ZNF254: variants seen among roughly 807,000 people sequenced by gnomAD.
ZNF254 encodes the protein zinc finger protein 254, also known as CTD-2017D11.1.
ZNF254 carries 10 observed loss-of-function variants against 12.4 expected under a neutral mutation model. The observed-to-expected ratio is 0.80, with a 90% confidence interval of 0.50 to 1.36. The LOEUF is 1.36. ZNF254 is among the 40% of genes most tolerant of loss of function. ZNF254 has a pLI of 0.00. For synonymous variants in ZNF254, 305 were observed against 253.4 expected (o/e 1.20, Z -1.93); for missense variants, 996 against 763.9 (o/e 1.30, Z -3.58).
chr19:24,099,055 G>C (rs1972846463), intron 1 of ZNF254: 1 of 134,090 alleles, frequency 7.5e-6, no homozygotes, highest in South Asian at 2.4e-4. Flanking sequence ...GGAGTGCAGT[G>C]ACACGATCTC....
intron 3 of ZNF254, among the ~76,000 whole-genome samples, chr19:24,111,477 A>T (rs1373817353): frequency 9.1e-4 from 138 of 152,250 alleles, no homozygotes; most frequent in Middle Eastern, 3.4e-3. Context: ...CAGTAATGGG[A>T]TGGCTGGGTC....
At chr19:24,121,848 C>G (rs1310962305) in intron 3 of ZNF254, among the ~76,000 whole-genome samples, 1 of 152,084 alleles carries the variant, frequency 6.6e-6, no homozygotes, top group Admixed American at 6.5e-5. Context: ...AGCCACCACA[C>G]CAGGCTACCC....
chr19:24,111,272 G>T (rs11672277), intron 3 of ZNF254, among the ~76,000 whole-genome samples: 3 of 151,986 alleles, frequency 2.0e-5, no homozygotes, highest in African/African-American at 7.3e-5. Context: ...TCCCTACAAA[G>T]GACATGAACT....
intron 3 of ZNF254, among the ~76,000 whole-genome samples, chr19:24,118,641 A>G (rs929512902): frequency 6.6e-6 from 1 of 151,976 alleles, no homozygotes; most frequent in African/African-American, 2.4e-5. Flanking sequence ...ATTTTCACCC[A>G]TTTTCTAGGA....
Position 24,129,836 on chromosome 19 carries a change from A to AT in ZNF254, c.*1861dup, listed in dbSNP as rs1198360898. On this transcript the variant is annotated 3_prime_UTR_variant, in exon 4 of 4. Coordinates refer to ENST00000357002, the MANE Select transcript of ZNF254 (RefSeq NM_203282.4). ...ATACATTTCTGAGTTCTGAATAAAT[A>AT]TTTTTAAAAATTTTAATATATTTTT... 1.3e-5 allele frequency: 2 copies of AT among 151,984 alleles called. No homozygotes were observed. Among genetic ancestry groups the AT allele is most frequent in the East Asian group, 3.9e-4 (2 of 5,194 alleles). The allele number at this position is 151,984 out of a possible 1,614,324, so 9.4% of individuals were successfully genotyped here.
chr19:24,064,495 G>A (rs931754650), intron 2 of ZNF254: 1 of 152,148 alleles, frequency 6.6e-6, no homozygotes, highest in Admixed American at 6.6e-5. Flanking sequence ...CTCCTCTTGT[G>A]CCTGAGACCT....
intron 1 of ZNF254, among the ~76,000 whole-genome samples, chr19:24,093,844 G>A (rs1460696910): frequency 6.6e-6 from 1 of 151,816 alleles, no homozygotes; most frequent in Admixed American, 6.6e-5. Context: ...CATTTGATTA[G>A]AATAGCATTA....
At chr19:24,044,693 C>A (rs1034881899) in intron 1 of ZNF254, among the ~76,000 whole-genome samples, 2 of 151,958 alleles carry the variant, frequency 1.3e-5, no homozygotes, top group Admixed American at 1.3e-4. Flanking sequence ...CGAAATATTA[C>A]TGTGTTTAAA....
At chr19:24,120,677 T>C (rs1974416664) in intron 3 of ZNF254, among the ~76,000 whole-genome samples, 1 of 152,002 alleles carries the variant, frequency 6.6e-6, no homozygotes, top group South Asian at 2.1e-4. Context: ...TTGTTGTTGT[T>C]GTTGAGATGG....
rs952062949 is a variant in ZNF254 at position 24,129,952 on chromosome 19, C to G, written c.*1972C>G. 1.3e-5 allele frequency: 2 copies of G among 151,826 alleles called. No homozygotes were observed. Among genetic ancestry groups the G allele is most frequent in the African/African-American group, 4.8e-5 (2 of 41,344 alleles). The allele number at this position is 151,826 out of a possible 1,614,324, so 9.4% of individuals were successfully genotyped here. A position where few individuals can be genotyped will look rare whatever the true frequency, so the allele number is the denominator to read the frequency against. ...AATATATACTTCTATTAAAGATAAACCTTAGGTGTAAATAAATTATGGAGT... is the reference window on the plus strand; with the variant it reads ...AATATATACTTCTATTAAAGATAAAGCTTAGGTGTAAATAAATTATGGAGT... On this transcript the variant is annotated 3_prime_UTR_variant, in exon 4 of 4. Transcript: ENST00000357002.
chr19:24,058,861 C>G (rs1395318273), intron 2 of ZNF254, among the ~76,000 whole-genome samples: 1 of 152,204 alleles, frequency 6.6e-6, no homozygotes, highest in African/African-American at 2.4e-5. Flanking sequence ...GAAAATGTAA[C>G]TCCCTTATTT....
intron 2 of ZNF254, among the ~76,000 whole-genome samples, chr19:24,073,668 G>A (rs963062872): frequency 3.9e-5 from 6 of 152,154 alleles, no homozygotes; most frequent in Non-Finnish European, 8.8e-5. Flanking sequence ...TGGGCTATAT[G>A]TGGGTTGATG....
chr19:24,078,217 T>C (rs1971727748), intron 2 of ZNF254, among the ~76,000 whole-genome samples: 1 of 152,198 alleles, frequency 6.6e-6, no homozygotes, highest in African/African-American at 2.4e-5. Flanking sequence ...TTTGTATTTT[T>C]AGTAGAGATC....
In ZNF254 at chr19:24,126,719, G is replaced by A. The variant is rs1974876500; in HGVS notation, c.719G>A (p.Cys240Tyr). The A allele has an allele frequency of 6.2e-7, 1 of 1,613,410 alleles. No homozygotes were observed. Among genetic ancestry groups the A allele is most frequent in the South Asian group, 1.1e-5 (1 of 91,008 alleles). Residue 240 changes from cysteine (C) to tyrosine (Y), a missense_variant, in exon 4 of 4, where the codon TGT (cysteine) becomes TAT (tyrosine). Cys to Tyr is a radical substitution (Grantham distance 194). Coordinates refer to ENST00000357002, the MANE Select transcript of ZNF254 (RefSeq NM_203282.4). ...KIYTEEKPYK[C>Y]EEYNKSPKQL... Reference sequence around the variant, plus strand: ...TATACTGAAGAGAAACCTTACAAATGTGAAGAATATAACAAATCTCCTAAG... The same window carrying A: ...TATACTGAAGAGAAACCTTACAAATATGAAGAATATAACAAATCTCCTAAG...
rs1972073474 is a variant in ZNF254 at position 24,087,198 on chromosome 19, T to C, written c.-110T>C. 7 of 1,463,012 alleles carry C rather than the reference T, an allele frequency of 4.8e-6. No homozygotes were observed. The allele number at this position is 1,463,012 out of a possible 1,614,324, so 90.6% of individuals were successfully genotyped here. On this transcript the variant is annotated 5_prime_UTR_variant, in exon 1 of 4. Coordinates refer to ENST00000357002, the MANE Select transcript of ZNF254 (RefSeq NM_203282.4). Reference sequence around the variant, plus strand: ...CGGGATATGGCGGGGCCTTTGTCTCTCGCTGTCGCCGGAGTCCCAGGTCTG... The same window carrying C: ...CGGGATATGGCGGGGCCTTTGTCTCCCGCTGTCGCCGGAGTCCCAGGTCTG...
chr19:24,076,143 T>A (rs1205343040), intron 2 of ZNF254, among the ~76,000 whole-genome samples: 5 of 152,194 alleles, frequency 3.3e-5, no homozygotes, highest in Non-Finnish European at 5.9e-5. Flanking sequence ...CCTCAGTTTA[T>A]GAAGATGACA....
At position 24,127,100 on chromosome 19, in the gene ZNF254, C is replaced by T; in HGVS notation, c.1100C>T (p.Thr367Ile). 6.2e-7 allele frequency: 1 copy of T among 1,611,128 alleles called. No individual in the cohort carries two copies. The highest frequency in any genetic ancestry group is 8.5e-7 in the Non-Finnish European group (1 of 1,179,078). ...KAFSQSSTLT[T>I]HKIIHTGEKR... ...TTTAGCCAGTCCTCAACCCTTACTA[C>T]ACATAAGATAATTCATACTGGAGAG... is the stretch of plus-strand genomic sequence containing the variant. The change falls in exon 4 of 4, where the codon ACA becomes ATA. Residue 367 changes from threonine to isoleucine, a missense_variant. Transcript: ENST00000357002.
chr19:24,088,486 C>T (rs1330940030), intron 1 of ZNF254, among the ~76,000 whole-genome samples: 1 of 152,008 alleles, frequency 6.6e-6, no homozygotes, highest in African/African-American at 2.4e-5. Flanking sequence ...CTCAAGTCCA[C>T]CCCTCATCCC....
chr19:24,126,265 C>T lies in ZNF254; in HGVS notation c.265C>T (p.His89Tyr). 6.8e-7 allele frequency: 1 copy of T among 1,480,568 alleles called. No individual in the cohort carries two copies. Among genetic ancestry groups the T allele is most frequent in the Non-Finnish European group, 9.0e-7 (1 of 1,116,458 alleles). 91.7% of individuals were successfully genotyped at this position (1,480,568 alleles called of 1,614,324 possible). Residue 89 changes from histidine to tyrosine, a missense_variant, in exon 4 of 4, where the codon CAT becomes TAT. Transcript: ENST00000357002. ...TATTTTTTTTTCAGGTATGTGTCCTCATTTTGCTCAAGACCTTTGGCCAGA... is the reference window on the plus strand; with the variant it reads ...TATTTTTTTTTCAGGTATGTGTCCTTATTTTGCTCAAGACCTTTGGCCAGA... ...MVDEPPGMCP[H>Y]FAQDLWPEQG...
Sources: allele counts gnomAD v4.1 joint callset (sites outside exome capture counted in the v4.1 genomes callset), GRCh38; gene constraint gnomAD v4.1.1; transcripts MANE v1.5; gene names NCBI Gene and HGNC (gene_info 2026-07-23, HGNC 2026-07-21).